The following ASB14 variants were observed in gnomAD, a reference collection of about 807,000 sequenced individuals.
The protein encoded by ASB14 is ankyrin repeat and SOCS box containing 14, also known as ankyrin repeat and SOCS box protein 14.
ASB14 carries 63 observed loss-of-function variants against 55.6 expected under a neutral mutation model. The observed-to-expected ratio is 1.13, with a 90% CI of 0.92 to 1.40. ASB14 has a LOEUF of 1.40. Ranked by LOEUF, ASB14 falls within the 40% of genes most tolerant of loss-of-function variation. The probability of loss-of-function intolerance (pLI) is 0.00; values close to 1 mark genes in which losing one functional copy is unlikely to be tolerated. For synonymous variants in ASB14, 256 were observed against 259.9 expected, an observed-to-expected ratio of 0.98 and a Z score of 0.15; for missense variants, 724 against 710.4, an observed-to-expected ratio of 1.02 and a Z score of -0.22.
chr3:57,274,533 A>T (rs1027070727), intron 10 of ASB14, among the ~76,000 whole-genome samples: 2 of 152,030 alleles, frequency 1.3e-5, no homozygotes, highest in African/African-American at 4.8e-5. Context: ...CTAAAAATAC[A>T]AAAATTAGCT....
At chr3:57,280,545 T>C (rs1388520072) in intron 6 of ASB14, 72 bp from the exon 7 acceptor site, 11 of 1,378,432 alleles carry the variant, frequency 8.0e-6, no homozygotes, top group Admixed American at 2.1e-5. Flanking sequence ...CTTAAAAATA[T>C]ATCCCCATCA....
In ASB14 at chr3:57,269,575, C is replaced by G. The variant is rs138485817; in HGVS notation, c.*66G>C. The G allele has an allele frequency of 9.1e-4, 1,461 of 1,613,982 alleles. 2 individuals are homozygous for G. Among genetic ancestry groups the G allele is most frequent in the Middle Eastern group, 1.8e-3 (11 of 6,062 alleles). ...GAACAAAGTCGGTTGATAGCTGCTT[C>G]CAGTAGACCAAACCAAGCCAGTAGT... On this transcript the variant is annotated 3_prime_UTR_variant, in exon 11 of 11. Transcript: ENST00000487349.
intron 3 of ASB14, among the ~76,000 whole-genome samples, chr3:57,288,759 G>T (rs1174952943): frequency 2.3e-5 from 3 of 128,914 alleles, no homozygotes; most frequent in Non-Finnish European, 4.6e-5. Flanking sequence ...CTGTTGCCCA[G>T]ACTGGAGTGT....
chr3:57,279,383 TC>T (rs1442840195), intron 7 of ASB14, among the ~76,000 whole-genome samples: 1 of 146,028 alleles, frequency 6.8e-6, no homozygotes, highest in African/African-American at 2.5e-5. Flanking sequence ...CAAGCAATTC[TC>T]CTAAGAGTTT....
In ASB14 at chr3:57,289,541, G is replaced by A. The variant is rs757859167; in HGVS notation, c.123-418C>T. On this transcript the variant is annotated intron_variant, in intron 2 of 10. Coordinates refer to ENST00000487349, the MANE Select transcript of ASB14 (RefSeq NM_001142733.3). ...TTAAAAAATAGTAAATAAAAATGGT[G>A]TCAGTATTAAAAAATATTCACAGTC... Among the ~76,000 whole-genome samples the A allele has an allele frequency of 1.0e-3, 157 of 152,122 alleles. 1 individual carries two copies. The Middle Eastern group carries it at 0.014, about 13-fold the overall frequency.
Position 57,280,323 on chromosome 3 carries a change from G to C in ASB14, c.866C>G (p.Ala289Gly), listed in dbSNP as rs2061030017. The part of the protein sequence containing the change: ...KNSGHLPIHV[A>G]ADRGHLLALK... ...TAACAGTAAGTGGCCCCTGTCAGCTGCCACATGGATGGGCAGGTGGCCTGA... is the reference window on the plus strand; with the variant it reads ...TAACAGTAAGTGGCCCCTGTCAGCTCCCACATGGATGGGCAGGTGGCCTGA... Residue 289 changes from alanine (A) to glycine (G), a missense_variant, in exon 7 of 11, where the codon GCA becomes GGA. Physicochemically the swap from Ala to Gly is moderately conservative, Grantham distance 60. Coordinates refer to ENST00000487349, the MANE Select transcript of ASB14 (RefSeq NM_001142733.3). 1.3e-6 allele frequency: 2 copies of C among 1,549,698 alleles called. No homozygotes were observed. Among genetic ancestry groups the C allele is most frequent in the Non-Finnish European group, 1.7e-6 (2 of 1,145,756 alleles).
chr3:57,284,355 C>G (rs1208406374), intron 5 of ASB14, among the ~76,000 whole-genome samples: 2 of 152,058 alleles, frequency 1.3e-5, no homozygotes, highest in African/African-American at 4.8e-5. Flanking sequence ...GTCTTAAACC[C>G]CTGGGTTCAA....
rs762725080 is a variant in ASB14 at position 57,278,672 on chromosome 3, C to T, written c.1136G>A (p.Gly379Glu). 8.1e-6 allele frequency: 13 copies of T among 1,614,190 alleles called. No homozygotes were observed. The East Asian group carries it at 2.9e-4, about 36-fold the overall frequency. The change falls in exon 8 of 11, where the codon GGA (glycine) becomes GAA (glutamate). Residue 379 changes from glycine to glutamate, a missense_variant. Transcript: ENST00000487349. ...LSSVKLLLSAGALPNQDPVNC... is the reference protein window; with the variant it reads ...LSSVKLLLSAEALPNQDPVNC... ...AACCGGGTCTTGATTAGGCAGAGCT[C>T]CAGCACTCAGAAGCAGCTTGACTGA... is the stretch of plus-strand genomic sequence containing the variant.
At chr3:57,285,321 T>C (rs1032458318) in intron 5 of ASB14, among the ~76,000 whole-genome samples, 2 of 152,284 alleles carry the variant, frequency 1.3e-5, no homozygotes, top group Admixed American at 6.5e-5. Flanking sequence ...CATCACTCTT[T>C]CCCTACAATC....
rs1036643928 is a variant in ASB14 at position 57,278,365 on chromosome 3, C to T, written c.1431+12G>A. ...TGACTGTAAGGGAATACAGCCAATA[C>T]TGTGGACTTACCTTAGTATCTTTGA... On this transcript the variant is annotated intron_variant, in intron 8 of 10. Coordinates refer to ENST00000487349, the MANE Select transcript of ASB14 (RefSeq NM_001142733.3). 51 of 1,602,356 alleles carry T rather than the reference C, an allele frequency of 3.2e-5. No individual in the cohort carries two copies. Among genetic ancestry groups the T allele is most frequent in the Non-Finnish European group, 3.8e-5 (45 of 1,170,024 alleles).
At chr3:57,288,336 G>A (rs1300390090) in intron 3 of ASB14, 50 bp from the exon 4 acceptor site, 47 of 1,522,904 alleles carry the variant, frequency 3.1e-5, no homozygotes, top group Non-Finnish European at 4.0e-5. Context: ...CACTTACAAG[G>A]AAGCCCATAT....
intron 5 of ASB14, 63 bp downstream of exon 5, chr3:57,287,838 A>G (rs2061091894): frequency 2.7e-6 from 4 of 1,497,598 alleles, no homozygotes; most frequent in Admixed American, 2.1e-5. Flanking sequence ...CTGCCTTTGA[A>G]ACCTGGGGGC....
Position 57,292,103 on chromosome 3 carries a change from A to C in ASB14, c.-70T>G. On this transcript the variant is annotated splice_region_variant and 5_prime_UTR_variant, in exon 2 of 11. Transcript: ENST00000487349. Reference sequence around the variant, plus strand: ...GTATTTTTCCAGTTGTGAAGAGATCAACTGCTTAAAATTACAAATGAAATT... The same window carrying C: ...GTATTTTTCCAGTTGTGAAGAGATCCACTGCTTAAAATTACAAATGAAATT... 7.5e-7 allele frequency: 1 copy of C among 1,336,988 alleles called. No individual in the cohort carries two copies. Among genetic ancestry groups the C allele is most frequent in the South Asian group, 1.9e-5 (1 of 52,836 alleles). 82.8% of individuals were successfully genotyped at this position (1,336,988 alleles called of 1,614,324 possible).
At chr3:57,291,461 A>G (rs953516269) in intron 2 of ASB14, among the ~76,000 whole-genome samples, 1 of 152,186 alleles carries the variant, frequency 6.6e-6, no homozygotes, top group Non-Finnish European at 1.5e-5. Flanking sequence ...ACACTTTCAG[A>G]AGCCTTGTTC....
At chr3:57,287,683 C>A (rs1474124010) in intron 5 of ASB14, among the ~76,000 whole-genome samples, 1 of 152,100 alleles carries the variant, frequency 6.6e-6, no homozygotes, top group Non-Finnish European at 1.5e-5. Flanking sequence ...ATGAAGGTAC[C>A]ATGCGAAATG....
At position 57,283,417 on chromosome 3, in the gene ASB14, G is replaced by A. The variant is rs1051705472; in HGVS notation, c.492C>T (p.Asp164=). The A allele has an allele frequency of 1.3e-6, 2 of 1,551,488 alleles. No homozygotes were observed. Among genetic ancestry groups the A allele is most frequent in the African/African-American group, 2.7e-5 (2 of 73,056 alleles). The part of the protein sequence containing the change: ...LLAAVLRDCY[D]MAALLINYGA... ...CATAGTTGATCAGCAAGGCAGCCAT[G>A]TCATAGCAGTCACGCAGCACAGCTG... The change falls in exon 6 of 11, where the codon GAC becomes GAT. Residue 164 remains aspartate, a synonymous_variant. Transcript: ENST00000487349.
rs540602943 is a variant in ASB14, at chr3:57,281,411, G to A, written c.716-938C>T. Among the ~76,000 whole-genome samples the A allele has an allele frequency of 4.6e-5, 7 of 152,248 alleles. No homozygotes were observed. In the South Asian group the frequency reaches 1.5e-3, roughly 32 times the overall value. ...AAAAGAGTTTGGGTCAGTTGTGGAA[G>A]TGTTCCCAGTAAAATGGGCTCTGAA... On this transcript the variant is annotated intron_variant, in intron 6 of 10. Transcript: ENST00000487349.
chr3:57,280,417 T>A lies in ASB14; in HGVS notation c.772A>T (p.Ser258Cys). The change falls in exon 7 of 11, where the codon AGT (serine) becomes TGT (cysteine). Residue 258 changes from serine (S) to cysteine (C), a missense_variant. Physicochemically the swap from Ser to Cys is moderately radical, Grantham distance 112. Transcript: ENST00000487349. ...GCCACAGCATCTGGATTTCCTCCAC[T>A]TGCGGCTTCAAGTAAGATGGAAGAA... The part of the protein sequence containing the change: ...DSSSILLEAA[S>C]GGNPDAVALL... 5.2e-6 allele frequency: 8 copies of A among 1,551,480 alleles called. No homozygotes were observed. The highest frequency in any genetic ancestry group is 7.0e-6 in the Non-Finnish European group (8 of 1,146,790).
chr3:57,274,863 G>A (rs1324939766), intron 10 of ASB14, among the ~76,000 whole-genome samples: 3 of 152,114 alleles, frequency 2.0e-5, no homozygotes, highest in African/African-American at 7.2e-5. Context: ...ACATTAACCG[G>A]TAAATGGTCA....
Sources: allele counts gnomAD v4.1 joint callset (sites outside exome capture counted in the v4.1 genomes callset), GRCh38; gene constraint gnomAD v4.1.1; transcripts MANE v1.5; gene names NCBI Gene and HGNC (gene_info 2026-07-23, HGNC 2026-07-21).